ELAVL2: variants seen among roughly 807,000 people sequenced by gnomAD.
ELAVL2 encodes ELAV like RNA binding protein 2.
A neutral mutation model predicts 34.6 loss-of-function variants in ELAVL2; 4 were observed. The ratio of observed to expected loss-of-function variants is 0.12; its 90% CI spans 0.06 to 0.26. The LOEUF (loss-of-function observed/expected upper bound fraction) is 0.26. Among genes scored for constraint, ELAVL2 ranks in the 10% least tolerant of loss-of-function variants. The pLI is 1.00. For missense variants in ELAVL2, 432 were observed against 442.8 expected, an observed-to-expected ratio of 0.98 and a Z score of 0.22; for synonymous variants, 193 against 154.8, an observed-to-expected ratio of 1.25 and a Z score of -1.83.
Position 23,692,615 on chromosome 9 carries a change from C to G in ELAVL2, c.1022G>C (p.Arg341Pro). 6.2e-7 allele frequency: 1 copy of G among 1,614,150 alleles called. No individual in the cohort carries two copies. The highest frequency in any genetic ancestry group is 8.5e-7 in the Non-Finnish European group (1 of 1,180,004). Residue 341 changes from arginine to proline, a missense_variant, in exon 7 of 7, where the codon CGT (arginine) becomes CCT (proline). Arg to Pro is a moderately radical substitution (Grantham distance 103, BLOSUM62 -2). Coordinates refer to ENST00000397312, the MANE Select transcript of ELAVL2 (RefSeq NM_004432.5). Reference sequence around the variant, plus strand: ...GACCTGCAGTACTCTGTCTCCCAGACGGTATCCATTGAGGCTAGCTATCGC... The same window carrying G: ...GACCTGCAGTACTCTGTCTCCCAGAGGGTATCCATTGAGGCTAGCTATCGC... ...AMAIASLNGYRLGDRVLQVSF... is the reference protein window; with the variant it reads ...AMAIASLNGYPLGDRVLQVSF...
At chr9:23,717,278 A>C (rs745965327) in intron 3 of ELAVL2, among the ~76,000 whole-genome samples, 2 of 152,218 alleles carry the variant, frequency 1.3e-5, no homozygotes, top group Non-Finnish European at 2.9e-5. Context: ...ATTTGTAAAT[A>C]CTTAAATGAG....
At chr9:23,785,549 A>G (rs1050198273) in intron 1 of ELAVL2, among the ~76,000 whole-genome samples, 2 of 152,200 alleles carry the variant, frequency 1.3e-5, no homozygotes, top group Non-Finnish European at 2.9e-5. Flanking sequence ...GGATAGTGTG[A>G]AAACAAAAAT....
upstream of ELAVL2, among the ~76,000 whole-genome samples, chr9:23,826,757 G>T (rs1049949128): frequency 1.3e-5 from 2 of 152,172 alleles, no homozygotes; most frequent in Non-Finnish European, 2.9e-5. Flanking sequence ...GTATGTATGA[G>T]TCATTGAGAG....
At chr9:23,698,948 G>A (rs1262557161) in intron 5 of ELAVL2, among the ~76,000 whole-genome samples, 1 of 152,102 alleles carries the variant, frequency 6.6e-6, no homozygotes, top group Non-Finnish European at 1.5e-5. Context: ...TGAGAAATGG[G>A]GTGAATGGGA....
intron 5 of ELAVL2, among the ~76,000 whole-genome samples, chr9:23,699,591 A>G (rs2036437700): frequency 6.6e-6 from 1 of 152,192 alleles, no homozygotes; most frequent in African/African-American, 2.4e-5. Context: ...AAATACCTGT[A>G]AAATTCCTTC....
chr9:23,796,275 T>C (rs969163766), intron 1 of ELAVL2, among the ~76,000 whole-genome samples: 3 of 152,232 alleles, frequency 2.0e-5, no homozygotes, highest in Admixed American at 6.5e-5. Flanking sequence ...TGGAAGCTTA[T>C]TACATATAAA....
intron 1 of ELAVL2, among the ~76,000 whole-genome samples, chr9:23,814,126 G>A (rs530224757): frequency 2.6e-5 from 4 of 152,108 alleles, no homozygotes; most frequent in South Asian, 4.2e-4. Flanking sequence ...CACAGTTCAG[G>A]GCAATCAAAA....
intron 1 of ELAVL2, among the ~76,000 whole-genome samples, chr9:23,825,588 T>C (rs2065251021): frequency 6.6e-6 from 1 of 152,198 alleles, no homozygotes; most frequent in Non-Finnish European, 1.5e-5. Flanking sequence ...ACCACTTAAG[T>C]TTCTGCCATG....
At chr9:23,802,415 C>T (rs987183374) in intron 1 of ELAVL2, among the ~76,000 whole-genome samples, 2 of 152,166 alleles carry the variant, frequency 1.3e-5, no homozygotes, top group Admixed American at 6.6e-5. Flanking sequence ...GTGATAGAAT[C>T]TGGTCATAGC....
At chr9:23,774,359 TGGAAA>T (rs2057861616) in intron 1 of ELAVL2, among the ~76,000 whole-genome samples, 1 of 151,504 alleles carries the variant, frequency 6.6e-6, no homozygotes. Context: ...CCTTTTAACA[TGGAAA>T]GGAAAGACTG....
upstream of ELAVL2, among the ~76,000 whole-genome samples, chr9:23,827,184 G>C (rs1366124395): frequency 1.3e-5 from 2 of 152,192 alleles, no homozygotes; most frequent in East Asian, 3.9e-4. Context: ...ACAGTCCTTG[G>C]ACCACACATG....
intron 1 of ELAVL2, among the ~76,000 whole-genome samples, chr9:23,776,540 A>C (rs1274792976): frequency 6.6e-6 from 1 of 152,154 alleles, no homozygotes; most frequent in African/African-American, 2.4e-5. Context: ...TACTGCATGT[A>C]CCAAGCGCTG....
At chr9:23,807,770 C>T (rs2062427975) in intron 1 of ELAVL2, among the ~76,000 whole-genome samples, 1 of 152,104 alleles carries the variant, frequency 6.6e-6, no homozygotes, top group Admixed American at 6.6e-5. Flanking sequence ...AACAAATATT[C>T]CTAAGTTCTT....
At chr9:23,759,448 G>A (rs2054342242) in intron 2 of ELAVL2, among the ~76,000 whole-genome samples, 1 of 151,676 alleles carries the variant, frequency 6.6e-6, no homozygotes, top group Admixed American at 6.6e-5. Flanking sequence ...AATGAGTACA[G>A]GGTCACTGTT....
chr9:23,696,933 A>G (rs1334770617), intron 5 of ELAVL2, among the ~76,000 whole-genome samples: 1 of 151,502 alleles, frequency 6.6e-6, no homozygotes, highest in Admixed American at 6.6e-5. Context: ...AAAATATAAA[A>G]TAAATATGTA....
intron 5 of ELAVL2, among the ~76,000 whole-genome samples, chr9:23,697,063 G>A (rs1193413880): frequency 2.0e-5 from 3 of 151,966 alleles, no homozygotes; most frequent in Non-Finnish European, 2.9e-5. Flanking sequence ...GGGGAGAGGC[G>A]GCGAGTGGCA....
intron 2 of ELAVL2, among the ~76,000 whole-genome samples, chr9:23,733,936 TGTTAA>T (rs1301687902): frequency 6.6e-6 from 1 of 152,170 alleles, no homozygotes; most frequent in Admixed American, 6.5e-5. Context: ...ATCTAGTATC[TGTTAA>T]GTTGTTTATA....
chr9:23,758,503 C>A (rs968643046), intron 2 of ELAVL2, among the ~76,000 whole-genome samples: 1 of 152,044 alleles, frequency 6.6e-6, no homozygotes, highest in Non-Finnish European at 1.5e-5. Flanking sequence ...ACCAAGATTA[C>A]CAGAAGTTGA....
intron 1 of ELAVL2, among the ~76,000 whole-genome samples, chr9:23,778,381 A>C (rs971643877): frequency 6.6e-6 from 1 of 152,204 alleles, no homozygotes; most frequent in Non-Finnish European, 1.5e-5. Context: ...AACAAAACAC[A>C]AACAAAAACA....
Sources: gnomAD v4.1 joint callset for allele counts (sites outside exome capture counted in the v4.1 genomes callset) on GRCh38, gnomAD v4.1.1 for gene constraint, MANE v1.5 for transcripts, NCBI Gene and HGNC (gene_info 2026-07-23, HGNC 2026-07-21) for gene names.